Variants in USP25 observed in about 807,000 individuals in gnomAD.
USP25 encodes ubiquitin specific peptidase 25.
USP25 carries 85 observed loss-of-function variants against 158.5 expected under a neutral mutation model. The ratio of observed to expected loss-of-function variants is 0.54; its 90% CI spans 0.45 to 0.64. The LOEUF (loss-of-function observed/expected upper bound fraction) is 0.64. USP25 is among the 30% of genes least tolerant of loss of function. The pLI, the probability that USP25 is intolerant of heterozygous loss-of-function variation, is 0.00. For missense variants in USP25, 1,242 were observed against 1,327.3 expected (o/e 0.94, Z 1.00); for synonymous variants, 464 against 460.4 (o/e 1.01, Z -0.10).
rs60616271 is a variant in USP25, at chr21:15,740,641, G to GTTTTT, written c.45+10232_45+10236dup. ...GTAATCTTCCTGTTTCTTTCTGGCTGTTTTTTTTTTTTTTTTTTTTTTTTT... is the reference window on the plus strand; with the variant it reads ...GTAATCTTCCTGTTTCTTTCTGGCTGTTTTTTTTTTTTTTTTTTTTTTTTTTTTTT... On this transcript the variant is annotated intron_variant, in intron 1 of 25. Coordinates refer to ENST00000400183, the MANE Select transcript of USP25 (RefSeq NM_001283041.3). Among the ~76,000 whole-genome samples, 67 of 41,266 alleles carry GTTTTT rather than the reference G, an allele frequency of 1.6e-3. 1 individual carries two copies. The highest frequency in any genetic ancestry group is 5.6e-3 in the East Asian group (4 of 708). 27.1% of individuals were successfully genotyped at this position (41,266 alleles called of 152,430 possible).
At chr21:15,849,450 T>C (rs931448599) in intron 19 of USP25, among the ~76,000 whole-genome samples, 3 of 152,158 alleles carry the variant, frequency 2.0e-5, no homozygotes, top group Non-Finnish European at 2.9e-5. Context: ...TTTTAATTGG[T>C]AAAAAGGGAT....
rs1161289160 is a variant in USP25 at position 15,830,591 on chromosome 21, C to A, written c.1754C>A (p.Ser585Tyr). Residue 585 changes from serine (S) to tyrosine (Y), a missense_variant, in exon 15 of 26, where the codon TCT (serine) becomes TAT (tyrosine). Ser to Tyr is a moderately radical substitution (Grantham distance 144). This residue lies in a region of USP25 where 627 missense variants were observed against 701.4 expected (regional missense o/e 0.89). Coordinates refer to ENST00000400183, the MANE Select transcript of USP25 (RefSeq NM_001283041.3). ...ATTGAATTAATGTACTCTGACAAAT[C>A]TATGATACAAGTAAGTGAAATTTTG... ...RTIELMYSDKSMIQVPYRLHA... is the reference protein window; with the variant it reads ...RTIELMYSDKYMIQVPYRLHA... 1 of 1,594,418 alleles carries A rather than the reference C, an allele frequency of 6.3e-7. No individual in the cohort carries two copies. Among genetic ancestry groups the A allele is most frequent in the East Asian group, 2.3e-5 (1 of 44,326 alleles).
At chr21:15,858,839 C>A (rs1288405623) in intron 20 of USP25, among the ~76,000 whole-genome samples, 1 of 151,836 alleles carries the variant, frequency 6.6e-6, no homozygotes, top group Non-Finnish European at 1.5e-5. Context: ...TCCAGCTAAA[C>A]TGATTGGTAT....
At chr21:15,860,994 A>AGAGAGAGT (rs2039406339) in intron 20 of USP25, among the ~76,000 whole-genome samples, 1 of 150,602 alleles carries the variant, frequency 6.6e-6, no homozygotes, top group African/African-American at 2.4e-5. Context: ...AGAGAGAGAG[A>AGAGAGAGT]GTTTACATAA....
chr21:15,747,956 TTTTTAA>T (rs1568754607), intron 1 of USP25, among the ~76,000 whole-genome samples: 1 of 152,244 alleles, frequency 6.6e-6, no homozygotes, highest in Admixed American at 6.5e-5. Flanking sequence ...GACATTTTTA[TTTTTAA>T]TTTAGTTTCA....
chr21:15,787,912 CA>C (rs2035382587), intron 4 of USP25, among the ~76,000 whole-genome samples: 1 of 143,710 alleles, frequency 7.0e-6, no homozygotes, highest in African/African-American at 2.6e-5. Context: ...ACCCCCCCCC[CA>C]AGTAAAACCA....
rs567691504 is a variant in USP25, at chr21:15,741,097, T to C, written c.45+10659T>C. ...TTTATTACTGTAGATCAGTTTTGGC[T>C]GTTCTGGGTCTTCACATCGATTTGT... On this transcript the variant is annotated intron_variant, in intron 1 of 25. Transcript: ENST00000400183. 6.2e-4 allele frequency among the ~76,000 whole-genome samples: 94 copies of C among 152,092 alleles called. 2 individuals carry two copies. The highest frequency in any genetic ancestry group is 7.5e-4 in the Non-Finnish European group (51 of 68,022).
chr21:15,734,542 T>G (rs1482265075), intron 1 of USP25, among the ~76,000 whole-genome samples: 4 of 152,170 alleles, frequency 2.6e-5, no homozygotes, highest in African/African-American at 9.7e-5. Context: ...GTATCCAGTC[T>G]TTTAAATGAA....
At chr21:15,775,174 A>G (rs183080490) in intron 3 of USP25, among the ~76,000 whole-genome samples, 541 of 152,280 alleles carry the variant, frequency 3.6e-3, no homozygotes, top group Non-Finnish European at 6.1e-3. Context: ...GGGAAAAAAC[A>G]TCTTGTTTTT....
intron 23 of USP25, 106 bp from the exon 24 acceptor site, chr21:15,874,297 G>A (rs1568919076): frequency 9.6e-7 from 1 of 1,046,044 alleles, no homozygotes; most frequent in East Asian, 2.9e-5. Flanking sequence ...TTATAATGTA[G>A]ATTATCAAAA....
chr21:15,870,030 T>C, intron 22 of USP25, 38 bp from the exon 23 acceptor site: 3 of 1,485,106 alleles, frequency 2.0e-6, no homozygotes, highest in Non-Finnish European at 2.8e-6. Flanking sequence ...TTTTTAAATC[T>C]TACTCTGAAC....
chr21:15,758,420 A>G (rs1427660666), intron 1 of USP25, among the ~76,000 whole-genome samples: 1 of 152,150 alleles, frequency 6.6e-6, no homozygotes, highest in Non-Finnish European at 1.5e-5. Context: ...TTCTCATGAT[A>G]GTGAATAAGT....
At position 15,799,795 on chromosome 21, in the gene USP25, GA is replaced by G; in HGVS notation, c.596del (p.Asn199IlefsTer27). ...NLLEFRRLVL[N>X]YKPPSNAQDL... The stretch of plus-strand genomic sequence containing the variant: ...TTTTGGAATTTAGAAGATTAGTTCT[GA>G]ATTACAAGCCTCCATCAAATGCTCA... On this transcript the variant is annotated frameshift_variant, in exon 6 of 26. Coordinates refer to ENST00000400183, the MANE Select transcript of USP25 (RefSeq NM_001283041.3). LOFTEE classifies it high-confidence loss of function. 6.2e-7 allele frequency: 1 copy of G among 1,601,238 alleles called. No homozygotes were observed. The highest frequency in any genetic ancestry group is 8.5e-7 in the Non-Finnish European group (1 of 1,173,804).
At position 15,780,350 on chromosome 21, in the gene USP25, A is replaced by G. The variant is rs114758701; in HGVS notation, c.392+2323A>G. Among the ~76,000 whole-genome samples the G allele has an allele frequency of 2.4e-3, 359 of 152,282 alleles. 4 individuals carry two copies. Among genetic ancestry groups the G allele is most frequent in the African/African-American group, 8.4e-3 (348 of 41,572 alleles). ...TAGAACGTTTTTAAAGTATTTCTTT[A>G]TACACTTTTTAGTGTCAGAATTGGG... On this transcript the variant is annotated intron_variant, in intron 4 of 25. Coordinates refer to ENST00000400183, the MANE Select transcript of USP25 (RefSeq NM_001283041.3).
At chr21:15,740,744 A>G (rs980042807) in intron 1 of USP25, among the ~76,000 whole-genome samples, 1 of 140,316 alleles carries the variant, frequency 7.1e-6, no homozygotes, top group Non-Finnish European at 1.5e-5. Context: ...ACCATAGCAT[A>G]TGAAAACTTA....
chr21:15,740,947 A>C (rs964813691), intron 1 of USP25, among the ~76,000 whole-genome samples: 1 of 151,814 alleles, frequency 6.6e-6, no homozygotes. Context: ...ATTTACACTG[A>C]AAGTGTGTAA....
chr21:15,825,675 A>G (rs942694608), intron 12 of USP25, among the ~76,000 whole-genome samples: 6 of 152,190 alleles, frequency 3.9e-5, no homozygotes, highest in Non-Finnish European at 7.4e-5. Flanking sequence ...GAAATGTCAC[A>G]AGTCATTTCA....
At chr21:15,833,921 A>G (rs958196957) in intron 17 of USP25, among the ~76,000 whole-genome samples, 1 of 152,294 alleles carries the variant, frequency 6.6e-6, no homozygotes, top group African/African-American at 2.4e-5. Context: ...CAAGAGTATC[A>G]ATTCAATAAA....
intron 3 of USP25, among the ~76,000 whole-genome samples, chr21:15,768,616 T>C (rs1219453235): frequency 7.9e-5 from 12 of 152,120 alleles, no homozygotes; most frequent in Admixed American, 7.9e-4. Flanking sequence ...TACATTCAAA[T>C]GCAGGCCTCT....
Sources: gnomAD v4.1 joint callset for allele counts (sites outside exome capture counted in the v4.1 genomes callset) on GRCh38, gnomAD v4.1.1 for gene constraint, gnomAD v4.1.1 regional missense constraint, MANE v1.5 for transcripts, NCBI Gene and HGNC (gene_info 2026-07-23, HGNC 2026-07-21) for gene names.